STARD9: variants seen among roughly 807,000 people sequenced by gnomAD.
STARD9 encodes stAR-related lipid transfer protein 9.
A neutral mutation model predicts 399.8 loss-of-function variants in STARD9; 346 were observed. That is an observed-to-expected ratio of 0.87 (90% CI 0.79 to 0.95). STARD9 has a LOEUF of 0.95. Among genes scored for constraint, STARD9 ranks in the 40% least tolerant of loss-of-function variants. The probability of loss-of-function intolerance (pLI) is 0.00; values close to 1 mark genes in which losing one functional copy is unlikely to be tolerated. For missense variants in STARD9, 5,832 were observed against 5,667.5 expected (o/e 1.03, Z -0.93); for synonymous variants, 2,203 against 2,143.5 (o/e 1.03, Z -0.77).
intron 3 of STARD9, among the ~76,000 whole-genome samples, chr15:42,606,399 T>C (rs1199852819): frequency 6.6e-6 from 1 of 152,218 alleles, no homozygotes; most frequent in African/African-American, 2.4e-5. Context: ...ATATAGAACA[T>C]GTGTTTTCAA....
In STARD9 at chr15:42,684,717, G is replaced by T; in HGVS notation, c.3139G>T (p.Val1047Phe). ...CAGGGCATCAAAAAGGCATCAGAGG[G>T]TTCTGGCAACTAGGGTCAGAAATAT... ...PSRASKRHQR[V>F]LATRVRNITK... The change falls in exon 23 of 33, where the codon GTT becomes TTT. Residue 1047 changes from valine (V) to phenylalanine (F), a missense_variant. Val to Phe is a conservative substitution (Grantham distance 50). This residue lies in a region of STARD9 where 5,828 missense variants were observed against 5,651.1 expected (regional missense o/e 1.03). Coordinates refer to ENST00000290607, the MANE Select transcript of STARD9 (RefSeq NM_020759.3). 4 of 1,537,206 alleles carry T rather than the reference G, an allele frequency of 2.6e-6. No individual in the cohort carries two copies. Among genetic ancestry groups the T allele is most frequent in the Non-Finnish European group, 3.5e-6 (4 of 1,146,918 alleles).
At chr15:42,704,366 C>T (rs1294236132) in intron 26 of STARD9, among the ~76,000 whole-genome samples, 1 of 152,144 alleles carries the variant, frequency 6.6e-6, no homozygotes, top group Non-Finnish European at 1.5e-5. Flanking sequence ...ATCACTGGCA[C>T]CTTATTTAGT....
intron 3 of STARD9, chr15:42,629,977 T>C (rs2059296985): frequency 6.6e-6 from 1 of 151,734 alleles, no homozygotes; most frequent in Admixed American, 6.6e-5. Flanking sequence ...TTCCACTTGG[T>C]CACGATAAAT....
intron 3 of STARD9, among the ~76,000 whole-genome samples, chr15:42,613,078 T>G (rs967254389): frequency 6.6e-6 from 1 of 151,832 alleles, no homozygotes; most frequent in South Asian, 2.1e-4. Flanking sequence ...TCTGGTTCCC[T>G]CAGGAACTAG....
intron 3 of STARD9, among the ~76,000 whole-genome samples, chr15:42,624,737 CAG>C (rs940889973): frequency 6.6e-6 from 1 of 151,834 alleles, no homozygotes; most frequent in Non-Finnish European, 1.5e-5. Flanking sequence ...TTCATATAGA[CAG>C]GGTTTCGCCA....
intron 26 of STARD9, among the ~76,000 whole-genome samples, chr15:42,713,172 G>C (rs183754250): frequency 1.8e-3 from 267 of 152,152 alleles, no homozygotes; most frequent in Admixed American, 3.0e-3. Context: ...AAACTTATTC[G>C]TAAGTATTTT....
intron 1 of STARD9, chr15:42,581,437 G>A: frequency 6.5e-7 from 1 of 1,528,552 alleles, no homozygotes; most frequent in South Asian, 1.1e-5. Flanking sequence ...GTGTGGGTGG[G>A]GAAGGCGCGG....
At chr15:42,665,413 T>G in intron 14 of STARD9, 83 bp downstream of exon 14, 145 of 1,006,330 alleles carry the variant, frequency 1.4e-4, no homozygotes, top group Non-Finnish European at 2.0e-4. Context: ...GTCTGGGCCC[T>G]GCTGCATTCT....
chr15:42,669,545 A>G, intron 16 of STARD9: 1 of 417,512 alleles, frequency 2.4e-6, no homozygotes, highest in East Asian at 3.3e-5. Flanking sequence ...ACTGGAAATC[A>G]GAACAATTGT....
chr15:42,662,883 C>T lies in STARD9; in HGVS notation c.860C>T (p.Ser287Phe), dbSNP rs2060017373. Residue 287 changes from serine (S) to phenylalanine (F), a missense_variant, in exon 11 of 33, where the codon TCC becomes TTC. Coordinates refer to ENST00000290607, the MANE Select transcript of STARD9 (RefSeq NM_020759.3). The stretch of plus-strand genomic sequence containing the variant: ...CTTGTGACTCTAGGAATTGTCATCT[C>T]CACCTTAGGTATTTTCTGATAGATA... Reference protein sequence around the residue: ...KSLVTLGIVISTLAQNSQVFS... With the variant: ...KSLVTLGIVIFTLAQNSQVFS... 6.5e-7 allele frequency: 1 copy of T among 1,533,786 alleles called. No homozygotes were observed. The highest frequency in any genetic ancestry group is 8.7e-7 in the Non-Finnish European group (1 of 1,143,850).
intron 24 of STARD9, 115 bp from the exon 25 acceptor site, chr15:42,695,025 G>A: frequency 1.1e-6 from 1 of 918,514 alleles, no homozygotes; most frequent in Non-Finnish European, 1.6e-6. Context: ...AAACCCTGTG[G>A]GCAAATGGAG....
chr15:42,684,277 A>T lies in STARD9; in HGVS notation c.2699A>T (p.His900Leu), dbSNP rs1226025092. The change falls in exon 23 of 33, where the codon CAT becomes CTT. Residue 900 changes from histidine (H) to leucine (L), a missense_variant. Coordinates refer to ENST00000290607, the MANE Select transcript of STARD9 (RefSeq NM_020759.3). ...LRKNGLHSSG[H>L]GQPCTARAAL... ...AAGAACGGCCTGCATTCCTCAGGTC[A>T]TGGGCAGCCCTGCACAGCCAGAGCA... 1 of 1,537,240 alleles carries T rather than the reference A, an allele frequency of 6.5e-7. No individual in the cohort carries two copies. The highest frequency in any genetic ancestry group is 2.4e-5 in the East Asian group (1 of 40,920).
Position 42,692,418 on chromosome 15 carries a change from C to A in STARD9, c.10840C>A (p.Pro3614Thr), listed in dbSNP as rs1448716620. Residue 3614 changes from proline (P) to threonine (T), a missense_variant, in exon 23 of 33, where the codon CCA becomes ACA. This residue lies in a region of STARD9 where 5,828 missense variants were observed against 5,651.1 expected (regional missense o/e 1.03). Transcript: ENST00000290607. ...CTTGGCCAAAGGAAGTGCTGCAGGT[C>A]CAGTGGATGAGATTATGCTGCTGTA... ...PPLAKGSAAGPVDEIMLLYPS... is the reference protein window; with the variant it reads ...PPLAKGSAAGTVDEIMLLYPS... 1 of 1,537,078 alleles carries A rather than the reference C, an allele frequency of 6.5e-7. No homozygotes were observed. Among genetic ancestry groups the A allele is most frequent in the Non-Finnish European group, 8.7e-7 (1 of 1,146,908 alleles).
In STARD9 at chr15:42,689,923, A is replaced by C; in HGVS notation, c.8345A>C (p.Glu2782Ala). The C allele has an allele frequency of 7.2e-6, 11 of 1,537,800 alleles. No homozygotes were observed. Among genetic ancestry groups the C allele is most frequent in the Non-Finnish European group, 9.6e-6 (11 of 1,147,028 alleles). Residue 2782 changes from glutamate (E) to alanine (A), a missense_variant, in exon 23 of 33, where the codon GAG (glutamate) becomes GCG (alanine). Transcript: ENST00000290607. ...CCTGGCAGTCAGGACAGCAGCCCAG[A>C]GCATCAGGAACCCAGAACTCTAGAC... ...IPPGSQDSSP[E>A]HQEPRTLDTT... is the part of the protein sequence containing the mutation.
chr15:42,715,949 G>A (rs1182754045), intron 26 of STARD9, among the ~76,000 whole-genome samples: 2 of 152,216 alleles, frequency 1.3e-5, no homozygotes, highest in East Asian at 1.9e-4. Context: ...CTAAGCCAGA[G>A]GCAGAAGGGC....
Position 42,686,351 on chromosome 15 carries a change from G to T in STARD9, c.4773G>T (p.Ser1591=). ...EKEASYDETY[S]ADLESLSASR... is the part of the protein sequence containing the mutation. Reference sequence around the variant, plus strand: ...AGGCGAGTTATGACGAAACTTATTCGGCAGACTTAGAATCATTGTCTGCTT... The same window carrying T: ...AGGCGAGTTATGACGAAACTTATTCTGCAGACTTAGAATCATTGTCTGCTT... The change falls in exon 23 of 33, where the codon TCG becomes TCT. Residue 1591 remains serine (S), a synonymous_variant. Coordinates refer to ENST00000290607, the MANE Select transcript of STARD9 (RefSeq NM_020759.3). The T allele has an allele frequency of 6.5e-7, 1 of 1,537,384 alleles. No individual in the cohort carries two copies. Among genetic ancestry groups the T allele is most frequent in the Non-Finnish European group, 8.7e-7 (1 of 1,146,970 alleles).
intron 20 of STARD9, among the ~76,000 whole-genome samples, chr15:42,678,478 AT>A (rs1426304923): frequency 1.3e-5 from 2 of 152,108 alleles, no homozygotes; most frequent in Non-Finnish European, 2.9e-5. Flanking sequence ...TTTGAATACC[AT>A]TGCCTGTGTT....
In STARD9 at chr15:42,686,514, G is replaced by C. The variant is rs1458237752; in HGVS notation, c.4936G>C (p.Asp1646His). 4.6e-6 allele frequency: 7 copies of C among 1,537,744 alleles called. No individual in the cohort carries two copies. The South Asian group carries it at 8.3e-5, about 18-fold the overall frequency. The part of the protein sequence containing the change: ...CRKPGLMTSS[D>H]EDFFQKNACH... ...GAAACCTGGACTGATGACTTCCTCT[G>C]ATGAGGATTTTTTCCAGAAGAACGC... The change falls in exon 23 of 33, where the codon GAT becomes CAT. Residue 1646 changes from aspartate (D) to histidine (H), a missense_variant. Asp to His is a moderately conservative substitution (Grantham distance 81, BLOSUM62 -1). Coordinates refer to ENST00000290607, the MANE Select transcript of STARD9 (RefSeq NM_020759.3).
chr15:42,700,981 T>TC (rs2060952525), intron 26 of STARD9, among the ~76,000 whole-genome samples: 1 of 152,202 alleles, frequency 6.6e-6, no homozygotes, highest in South Asian at 2.1e-4. Flanking sequence ...TATGTGGATA[T>TC]CCAGTTTTCT....
Sources: gnomAD v4.1 joint callset for allele counts (sites outside exome capture counted in the v4.1 genomes callset) on GRCh38, gnomAD v4.1.1 for gene constraint, gnomAD v4.1.1 regional missense constraint, MANE v1.5 for transcripts, NCBI Gene and HGNC (gene_info 2026-07-23, HGNC 2026-07-21) for gene names.